Variants in RBM47 observed in about 807,000 individuals in gnomAD.
RBM47 encodes the protein RNA-binding protein 47.
A neutral mutation model predicts 47.1 loss-of-function variants in RBM47; 21 were observed. The ratio of observed to expected loss-of-function variants is 0.45; its 90% CI spans 0.32 to 0.64. The LOEUF is 0.64. Ranked by LOEUF, RBM47 falls within the 30% of genes least tolerant of loss-of-function variation. The probability of loss-of-function intolerance (pLI) is 0.05; values close to 1 mark genes in which losing one functional copy is unlikely to be tolerated. For missense variants in RBM47, 708 were observed against 870.9 expected, an observed-to-expected ratio of 0.81 and a Z score of 2.35; for synonymous variants, 375 against 361.7, an observed-to-expected ratio of 1.04 and a Z score of -0.42.
chr4:40,510,479 A>C (rs1724783137), intron 2 of RBM47, among the ~76,000 whole-genome samples: 1 of 152,186 alleles, frequency 6.6e-6, no homozygotes, highest in Non-Finnish European at 1.5e-5. Context: ...ACCTAAGGGA[A>C]CTTAATATTT....
intron 6 of RBM47, among the ~76,000 whole-genome samples, chr4:40,426,503 T>G (rs1715064097): frequency 6.6e-6 from 1 of 152,118 alleles, no homozygotes; most frequent in South Asian, 2.1e-4. Context: ...AATGGCGTAT[T>G]TGCATTTAAC....
intron 2 of RBM47, among the ~76,000 whole-genome samples, chr4:40,513,483 T>C (rs1725202744): frequency 6.6e-6 from 1 of 152,244 alleles, no homozygotes; most frequent in East Asian, 1.9e-4. Context: ...TACTGCTATC[T>C]GTGTGTGGCA....
Position 40,438,098 on chromosome 4 carries a change from A to C in RBM47, c.796T>G (p.Phe266Val). Residue 266 changes from phenylalanine (F) to valine (V), a missense_variant, in exon 4 of 7, where the codon TTC becomes GTC. Coordinates refer to ENST00000295971, the MANE Select transcript of RBM47 (RefSeq NM_001098634.2). ...ACGCAGCCGGGGTTGAACTGGCCGAAGCTCTTCTTGATGGTGTCCTCGGTG... is the reference window on the plus strand; with the variant it reads ...ACGCAGCCGGGGTTGAACTGGCCGACGCTCTTCTTGATGGTGTCCTCGGTG... ...ETTEDTIKKS[F>V]GQFNPGCVER... The C allele has an allele frequency of 6.2e-7, 1 of 1,613,476 alleles. No homozygotes were observed. Among genetic ancestry groups the C allele is most frequent in the Non-Finnish European group, 8.5e-7 (1 of 1,179,956 alleles).
At chr4:40,509,725 C>CA (rs57061272) in intron 2 of RBM47, among the ~76,000 whole-genome samples, 63,455 of 147,552 alleles carry the variant, frequency 0.43, 13,743 homozygotes, top group East Asian at 0.66. Context: ...ACTAAAAATA[C>CA]AAAAAAAAAA....
chr4:40,476,270 A>G (rs887919151), intron 2 of RBM47, among the ~76,000 whole-genome samples: 1 of 152,148 alleles, frequency 6.6e-6, no homozygotes, highest in African/African-American at 2.4e-5. Context: ...TTTCTTAGAA[A>G]TGTTATATTT....
At chr4:40,578,887 G>A (rs1197914571) in intron 1 of RBM47, among the ~76,000 whole-genome samples, 1 of 150,204 alleles carries the variant, frequency 6.7e-6, no homozygotes, top group Middle Eastern at 3.6e-3. Flanking sequence ...GGAGGCCAGG[G>A]AGGGCAGATC....
Position 40,460,547 on chromosome 4 carries a change from C to T in RBM47, c.-32+6030G>A, listed in dbSNP as rs539265425. ...GGAATAGACCGGGTGTGGTGGCTCA[C>T]GCCTGTAATCCCAGCTACTTGGGAG... On this transcript the variant is annotated intron_variant, in intron 3 of 6. Coordinates refer to ENST00000295971, the MANE Select transcript of RBM47 (RefSeq NM_001098634.2). Among the ~76,000 whole-genome samples, 3 of 152,220 alleles carry T rather than the reference C, an allele frequency of 2.0e-5. No homozygotes were observed. The East Asian group carries it at 5.8e-4, about 29-fold the overall frequency.
chr4:40,430,039 C>CA (rs1474489503), intron 6 of RBM47, among the ~76,000 whole-genome samples: 1 of 151,754 alleles, frequency 6.6e-6, no homozygotes, highest in Non-Finnish European at 1.5e-5. Flanking sequence ...TAAAAAAATA[C>CA]AAAAAATTAG....
intron 2 of RBM47, among the ~76,000 whole-genome samples, chr4:40,526,789 C>CTTTTTTTT (rs540484622): frequency 3.2e-5 from 2 of 61,592 alleles, no homozygotes; most frequent in Non-Finnish European, 5.8e-5. Context: ...CAGTTTGGTT[C>CTTTTTTTT]TTTTTTTTTT....
At chr4:40,630,555 G>T (rs1331822922), upstream of RBM47, 1 of 152,250 alleles carries the variant, frequency 6.6e-6, no homozygotes, top group African/African-American at 2.4e-5. Context: ...AGGGCCTGGG[G>T]CCTGGGCGCT....
chr4:40,496,628 G>T (rs1722630467), intron 2 of RBM47, among the ~76,000 whole-genome samples: 1 of 152,166 alleles, frequency 6.6e-6, no homozygotes, highest in Non-Finnish European at 1.5e-5. Context: ...CAACCACAGC[G>T]ATCACTGTTC....
intron 1 of RBM47, among the ~76,000 whole-genome samples, chr4:40,626,782 C>T (rs1402276981): frequency 2.0e-5 from 3 of 152,124 alleles, no homozygotes; most frequent in Non-Finnish European, 2.9e-5. Flanking sequence ...CCAGCTCAGA[C>T]GACCTCAGGA....
intron 2 of RBM47, among the ~76,000 whole-genome samples, chr4:40,495,332 C>G (rs1310847937): frequency 6.6e-6 from 1 of 152,144 alleles, no homozygotes; most frequent in African/African-American, 2.4e-5. Context: ...CTCAGCCAGG[C>G]ATGGTGGCTC....
At chr4:40,539,477 G>A (rs1241909653) in intron 2 of RBM47, among the ~76,000 whole-genome samples, 4 of 151,924 alleles carry the variant, frequency 2.6e-5, no homozygotes, top group South Asian at 4.2e-4. Flanking sequence ...ACGGTGACTC[G>A]TGCCTGTAAT....
At chr4:40,618,715 A>G (rs1736968215) in intron 1 of RBM47, among the ~76,000 whole-genome samples, 1 of 146,628 alleles carries the variant, frequency 6.8e-6, no homozygotes, top group African/African-American at 2.5e-5. Context: ...AGGCTGAGGC[A>G]GGAAAGTTGC....
At chr4:40,493,771 C>CA (rs369288548) in intron 2 of RBM47, among the ~76,000 whole-genome samples, 29,407 of 117,814 alleles carry the variant, frequency 0.25, 4,118 homozygotes, top group East Asian at 0.41. Flanking sequence ...GACCCTGTCT[C>CA]AAAAAAAAAA....
intron 5 of RBM47, among the ~76,000 whole-genome samples, chr4:40,434,784 T>C (rs527286613): frequency 2.0e-5 from 3 of 151,520 alleles, no homozygotes; most frequent in Admixed American, 2.0e-4. Context: ...TTTAACTCTA[T>C]GAGGCCAATG....
chr4:40,464,731 CA>C (rs931321183), intron 3 of RBM47, among the ~76,000 whole-genome samples: 10 of 145,984 alleles, frequency 6.9e-5, no homozygotes, highest in African/African-American at 1.0e-4. Context: ...ATTAAAAATA[CA>C]AAAAAAAAAT....
rs1735416102 is a variant in RBM47 at position 40,602,932 on chromosome 4, G to T, written c.-240+26464C>A. 2.0e-5 allele frequency among the ~76,000 whole-genome samples: 3 copies of T among 152,272 alleles called. No homozygotes were observed. In the South Asian group the frequency reaches 6.2e-4, roughly 32 times the overall value. ...CCAGGTGTGATGGTCCACCATGCCT[G>T]TAATCCCAGCACTTTGGGAGGCTGA... On this transcript the variant is annotated intron_variant, in intron 1 of 6. Coordinates refer to ENST00000295971, the MANE Select transcript of RBM47 (RefSeq NM_001098634.2).
Sources: gnomAD v4.1 joint callset for allele counts (sites outside exome capture counted in the v4.1 genomes callset) on GRCh38, gnomAD v4.1.1 for gene constraint, MANE v1.5 for transcripts, NCBI Gene and HGNC (gene_info 2026-07-23, HGNC 2026-07-21) for gene names.